Variants in SCHIP1 observed in about 807,000 individuals in gnomAD.
SCHIP1 encodes the protein schwannomin interacting protein 1.
Under a neutral mutation model 29.7 loss-of-function variants are expected in SCHIP1, and 8 were observed. The observed-to-expected ratio is 0.27, with a 90% CI of 0.16 to 0.49. SCHIP1 has a LOEUF of 0.49. Ranked by LOEUF, SCHIP1 falls within the 20% of genes least tolerant of loss-of-function variation. The probability of loss-of-function intolerance (pLI) is 0.99; values close to 1 mark genes in which losing one functional copy is unlikely to be tolerated. For synonymous variants in SCHIP1, 76 were observed against 94.9 expected (o/e 0.80, Z 1.16); for missense variants, 193 against 294.6 (o/e 0.66, Z 2.52).
the SCHIP1 span, among the ~76,000 whole-genome samples, chr3:159,379,405 T>G: frequency 1.3e-5 from 2 of 152,118 alleles, no homozygotes; most frequent in Non-Finnish European, 2.9e-5. Flanking sequence ...GTACCTTTAG[T>G]AGAGACAGGG....
At chr3:159,481,787 T>C in the SCHIP1 span, among the ~76,000 whole-genome samples, 6 of 152,332 alleles carry the variant, frequency 3.9e-5, no homozygotes, top group South Asian at 1.2e-3. Context: ...TTACTATACT[T>C]AACATTTCTT....
the SCHIP1 span, among the ~76,000 whole-genome samples, chr3:159,437,832 C>A: frequency 3.9e-5 from 6 of 152,208 alleles, no homozygotes; most frequent in South Asian, 1.2e-3. Flanking sequence ...ATCATGGAAT[C>A]TTTGAGAAAG....
At chr3:159,277,119 C>G in the SCHIP1 span, among the ~76,000 whole-genome samples, 8 of 152,024 alleles carry the variant, frequency 5.3e-5, no homozygotes, top group Admixed American at 6.6e-5. Context: ...TTTTAGTGCT[C>G]GATCTCTGAC....
At chr3:159,282,011 T>A in the SCHIP1 span, among the ~76,000 whole-genome samples, 73 of 152,084 alleles carry the variant, frequency 4.8e-4, 2 homozygotes, top group Non-Finnish European at 2.9e-5. Context: ...AATTTCTGTG[T>A]CATTAAAATT....
At chr3:159,660,520 T>C in the SCHIP1 span, among the ~76,000 whole-genome samples, 1 of 152,130 alleles carries the variant, frequency 6.6e-6, no homozygotes, top group Non-Finnish European at 1.5e-5. Flanking sequence ...CACATACAGA[T>C]CTAATGTGTG....
chr3:159,612,696 G>A, the SCHIP1 span, among the ~76,000 whole-genome samples: 20 of 152,146 alleles, frequency 1.3e-4, no homozygotes, highest in African/African-American at 4.6e-4. Context: ...GCAGTGAGCC[G>A]AGATCACGCC....
chr3:159,607,791 T>G, the SCHIP1 span, among the ~76,000 whole-genome samples: 1 of 152,224 alleles, frequency 6.6e-6, no homozygotes, highest in South Asian at 2.1e-4. Context: ...TGATGTCAAG[T>G]GGTTTTGTGT....
At chr3:159,306,214 A>G in the SCHIP1 span, among the ~76,000 whole-genome samples, 1 of 152,254 alleles carries the variant, frequency 6.6e-6, no homozygotes, top group Admixed American at 6.5e-5. Flanking sequence ...TATGATGATG[A>G]ATGTTTAACA....
At chr3:159,847,144 G>T (rs950764490) in intron 1 of SCHIP1, among the ~76,000 whole-genome samples, 1 of 152,170 alleles carries the variant, frequency 6.6e-6, no homozygotes, top group Non-Finnish European at 1.5e-5. Context: ...TTCTTGGAAA[G>T]GATGGTGGTG....
At chr3:159,529,020 TCA>T in the SCHIP1 span, among the ~76,000 whole-genome samples, 16 of 152,284 alleles carry the variant, frequency 1.1e-4, 1 homozygote, top group Middle Eastern at 3.4e-3. Context: ...CAATTAAAAT[TCA>T]CACACTGAAT....
chr3:159,384,061 C>G, the SCHIP1 span, among the ~76,000 whole-genome samples: 1 of 151,674 alleles, frequency 6.6e-6, no homozygotes. Context: ...CAAAGAGGGA[C>G]AATTTGACTT....
the SCHIP1 span, among the ~76,000 whole-genome samples, chr3:159,311,039 C>T: frequency 2.0e-5 from 3 of 152,082 alleles, no homozygotes; most frequent in African/African-American, 7.2e-5. Context: ...TTTTATAATG[C>T]CATCTTTACT....
At chr3:159,428,848 A>C in the SCHIP1 span, among the ~76,000 whole-genome samples, 1 of 152,210 alleles carries the variant, frequency 6.6e-6, no homozygotes, top group African/African-American at 2.4e-5. Flanking sequence ...CATATACACC[A>C]TGGAATGCTA....
chr3:159,626,927 C>A, the SCHIP1 span, among the ~76,000 whole-genome samples: 3 of 152,182 alleles, frequency 2.0e-5, no homozygotes, highest in Admixed American at 2.0e-4. Flanking sequence ...AGGTTTTTTA[C>A]ATAGCTATAC....
the SCHIP1 span, among the ~76,000 whole-genome samples, chr3:159,661,102 A>T: frequency 6.6e-6 from 1 of 152,194 alleles, no homozygotes; most frequent in Non-Finnish European, 1.5e-5. Context: ...ATGCTGAGCT[A>T]TGATAAGAAG....
At chr3:159,828,384 TATAC>T in the SCHIP1 span, among the ~76,000 whole-genome samples, 80 of 68,250 alleles carry the variant, frequency 1.2e-3, 1 homozygote, top group Middle Eastern at 9.1e-3. Context: ...TACATATATA[TATAC>T]ATATATACGT....
the SCHIP1 span, among the ~76,000 whole-genome samples, chr3:159,707,719 T>C: frequency 6.6e-6 from 1 of 152,212 alleles, no homozygotes; most frequent in South Asian, 2.1e-4. Context: ...TACTCTTGCC[T>C]AGATCAGGGA....
chr3:159,871,598 A>C lies in SCHIP1; in HGVS notation c.149+5317A>C, dbSNP rs76123444. 2.0e-3 allele frequency among the ~76,000 whole-genome samples: 305 copies of C among 152,292 alleles called. 14 individuals are homozygous for C. The East Asian group carries it at 0.054, about 27-fold the overall frequency. ...ATAAGGACACAGCTCTTTCATTGGG[A>C]TGCATCTAATTGAAAGTATCTAGGA... On this transcript the variant is annotated intron_variant, in intron 2 of 6. Transcript: ENST00000445224.
the SCHIP1 span, among the ~76,000 whole-genome samples, chr3:159,330,925 T>G: frequency 6.6e-6 from 1 of 152,138 alleles, no homozygotes; most frequent in Non-Finnish European, 1.5e-5. Flanking sequence ...GTTCCCTCCT[T>G]GGGCTTCAAC....
Sources: allele counts gnomAD v4.1 joint callset (sites outside exome capture counted in the v4.1 genomes callset), GRCh38; gene constraint gnomAD v4.1.1; transcripts MANE v1.5; gene names NCBI Gene and HGNC (gene_info 2026-07-23, HGNC 2026-07-21).